The following UGT1A8 variants were observed in gnomAD, a reference collection of about 807,000 sequenced individuals.
UGT1A8 encodes UDP-glucuronosyltransferase 1A8.
A neutral mutation model predicts 45.3 loss-of-function variants in UGT1A8; 39 were observed. That is an observed-to-expected ratio of 0.86 (90% CI 0.67 to 1.12). The LOEUF (loss-of-function observed/expected upper bound fraction) is 1.12, where lower values mean the gene tolerates loss of function less well. Among genes scored for constraint, UGT1A8 ranks in the 50% most tolerant of loss-of-function variants. The pLI is 0.00. For synonymous variants in UGT1A8, 275 were observed against 249.2 expected (o/e 1.10, Z -0.97); for missense variants, 719 against 664.9 (o/e 1.08, Z -0.90).
intron 1 of UGT1A8, among the ~76,000 whole-genome samples, chr2:233,621,962 C>T (rs539513487): frequency 1.3e-5 from 2 of 152,170 alleles, no homozygotes; most frequent in South Asian, 4.2e-4. Flanking sequence ...CTCCTACTTA[C>T]GAGTGAGAAT....
chr2:233,625,650 G>A (rs1203192684), intron 1 of UGT1A8, among the ~76,000 whole-genome samples: 1 of 151,740 alleles, frequency 6.6e-6, no homozygotes, highest in Non-Finnish European at 1.5e-5. Context: ...CAACATGGAT[G>A]CAGCTGGAGG....
chr2:233,771,905 G>A (rs1048759513), intron 4 of UGT1A8, among the ~76,000 whole-genome samples: 1 of 151,250 alleles, frequency 6.6e-6, no homozygotes, highest in Non-Finnish European at 1.5e-5. Flanking sequence ...CCTTTCAGGT[G>A]ATAATAGTAA....
At chr2:233,730,703 G>A (rs1238430007) in intron 1 of UGT1A8, among the ~76,000 whole-genome samples, 8 of 152,058 alleles carry the variant, frequency 5.3e-5, no homozygotes, top group Non-Finnish European at 8.8e-5. Flanking sequence ...TCTTCTACTT[G>A]GAATGCTGAA....
chr2:233,649,400 A>G (rs1285215963), intron 1 of UGT1A8, among the ~76,000 whole-genome samples: 2 of 152,358 alleles, frequency 1.3e-5, no homozygotes, highest in East Asian at 3.9e-4. Context: ...GCACAATAAG[A>G]AATGAAAATT....
At chr2:233,628,333 C>G (rs981064812) in intron 1 of UGT1A8, among the ~76,000 whole-genome samples, 9 of 151,674 alleles carry the variant, frequency 5.9e-5, no homozygotes, top group Non-Finnish European at 1.5e-5. Flanking sequence ...TTTTTTCAAA[C>G]TGTTAGAAAT....
rs150697955 is a variant in UGT1A8 at position 233,712,999 on chromosome 2, C to G, written c.856-54035C>G. On this transcript the variant is annotated intron_variant, in intron 1 of 4. Transcript: ENST00000373450. The stretch of plus-strand genomic sequence containing the variant: ...TCGGTGGCTTCTGCTGAGATGGCCA[C>G]AGGACTCCAGGTTCCCCTGCCGCAG... 763 of 1,613,480 alleles carry G rather than the reference C, an allele frequency of 4.7e-4. 15 individuals are homozygous for G. In the South Asian group the frequency reaches 7.3e-3, roughly 15 times the overall value.
At chr2:233,705,061 G>T (rs10180090) in intron 1 of UGT1A8, among the ~76,000 whole-genome samples, 1 of 151,502 alleles carries the variant, frequency 6.6e-6, no homozygotes, top group South Asian at 2.1e-4. Context: ...GCTTGAACCC[G>T]GGAGGCGGAG....
intron 1 of UGT1A8, among the ~76,000 whole-genome samples, chr2:233,732,442 G>A (rs1257874591): frequency 6.6e-6 from 1 of 152,146 alleles, no homozygotes; most frequent in Non-Finnish European, 1.5e-5. Flanking sequence ...TATGGTTTTA[G>A]GTCTAACATT....
chr2:233,682,010 G>A (rs748366826), intron 1 of UGT1A8: 2 of 1,614,142 alleles, frequency 1.2e-6, no homozygotes, highest in East Asian at 2.2e-5. Flanking sequence ...CTTTGCCAAG[G>A]CAGGGAAGCT....
Position 233,729,783 on chromosome 2 carries a change from C to T in UGT1A8, c.856-37251C>T, listed in dbSNP as rs761502728. On this transcript the variant is annotated intron_variant, in intron 1 of 4. Coordinates refer to ENST00000373450, the MANE Select transcript of UGT1A8 (RefSeq NM_019076.5). Reference sequence around the variant, plus strand: ...TCAAGAACATGCTCTACCCTCTGGCCCTGTCCTACATTTGCCATGCTTTTT... The same window carrying T: ...TCAAGAACATGCTCTACCCTCTGGCTCTGTCCTACATTTGCCATGCTTTTT... 6 of 1,613,820 alleles carry T rather than the reference C, an allele frequency of 3.7e-6. No homozygotes were observed. In the Admixed American group the frequency reaches 8.3e-5, roughly 22 times the overall value.
At chr2:233,724,657 C>A (rs536267654) in intron 1 of UGT1A8, among the ~76,000 whole-genome samples, 1 of 142,620 alleles carries the variant, frequency 7.0e-6, no homozygotes, top group Non-Finnish European at 1.5e-5. Flanking sequence ...TGGGAAGAGG[C>A]GCTCCTCACT....
chr2:233,668,526 G>A (rs1269531403), intron 1 of UGT1A8, among the ~76,000 whole-genome samples: 1 of 152,178 alleles, frequency 6.6e-6, no homozygotes, highest in African/African-American at 2.4e-5. Context: ...ACGTGTGCAT[G>A]TGTCTTTATA....
At chr2:233,649,225 C>T (rs868307236) in intron 1 of UGT1A8, among the ~76,000 whole-genome samples, 6 of 152,220 alleles carry the variant, frequency 3.9e-5, no homozygotes, top group South Asian at 2.1e-4. Context: ...TATGTGTATA[C>T]GATTGGTTAA....
At position 233,690,793 on chromosome 2, in the gene UGT1A8, A is replaced by C. The variant is rs2075015381; in HGVS notation, c.855+72231A>C. On this transcript the variant is annotated intron_variant, in intron 1 of 4. Transcript: ENST00000373450. ...CACACACATACACACACACACACAC[A>C]CACACACCATTCTTAGTACAGTCAA... is the stretch of plus-strand genomic sequence containing the variant. The C allele has an allele frequency of 3.5e-6, 4 of 1,142,860 alleles. No homozygotes were observed. The South Asian group carries it at 5.7e-5, about 16-fold the overall frequency. 70.8% of individuals were successfully genotyped at this position (1,142,860 alleles called of 1,614,324 possible). A position where few individuals can be genotyped will look rare whatever the true frequency, so the allele number is the denominator to read the frequency against.
At chr2:233,745,396 T>A (rs1020698339) in intron 1 of UGT1A8, among the ~76,000 whole-genome samples, 1 of 151,856 alleles carries the variant, frequency 6.6e-6, no homozygotes, top group Non-Finnish European at 1.5e-5. Flanking sequence ...TATTCTCTTT[T>A]TGACACTGGA....
At chr2:233,677,619 A>G (rs1018777841) in intron 1 of UGT1A8, among the ~76,000 whole-genome samples, 1 of 152,234 alleles carries the variant, frequency 6.6e-6, no homozygotes. Context: ...GATGAAAACC[A>G]CAATAAGATA....
rs72551340 is a variant in UGT1A8, at chr2:233,760,509, C to A, written c.856-6525C>A. 17 of 1,614,154 alleles carry A rather than the reference C, an allele frequency of 1.1e-5. No homozygotes were observed. Among genetic ancestry groups the A allele is most frequent in the Non-Finnish European group, 4.2e-6 (5 of 1,180,060 alleles). ...TGTACATCAGAGACGGAGCATTTTA[C>A]ACCTTGAAGACGTACCCTGTGCCAT... is the stretch of plus-strand genomic sequence containing the variant. On this transcript the variant is annotated intron_variant, in intron 1 of 4. Transcript: ENST00000373450.
chr2:233,630,272 A>G (rs549254931), intron 1 of UGT1A8, among the ~76,000 whole-genome samples: 1 of 152,224 alleles, frequency 6.6e-6, no homozygotes, highest in South Asian at 2.1e-4. Context: ...TGACTAAGCA[A>G]ATGTCTAGTA....
chr2:233,717,084 A>G (rs1344927220), intron 1 of UGT1A8, among the ~76,000 whole-genome samples: 1 of 152,206 alleles, frequency 6.6e-6, no homozygotes, highest in Non-Finnish European at 1.5e-5. Context: ...ACCAGAAATC[A>G]GATGACATCA....
Sources: allele counts gnomAD v4.1 joint callset (sites outside exome capture counted in the v4.1 genomes callset), GRCh38; gene constraint gnomAD v4.1.1; transcripts MANE v1.5; gene names NCBI Gene and HGNC (gene_info 2026-07-23, HGNC 2026-07-21).